Variants in NYAP2 observed in about 807,000 individuals in gnomAD.
NYAP2 encodes neuronal tyrosine-phosphorylated phosphoinositide-3-kinase adapter 2.
NYAP2 carries 23 observed loss-of-function variants against 50.4 expected under a neutral mutation model. That is an observed-to-expected ratio of 0.46 (90% confidence interval 0.33 to 0.65). The LOEUF (loss-of-function observed/expected upper bound fraction) is 0.65. NYAP2 is among the 30% of genes least tolerant of loss of function. The probability of loss-of-function intolerance (pLI) is 0.02; values close to 1 mark genes in which losing one functional copy is unlikely to be tolerated. For missense variants in NYAP2, 885 were observed against 861.0 expected, an observed-to-expected ratio of 1.03 and a Z score of -0.35; for synonymous variants, 394 against 365.2, an observed-to-expected ratio of 1.08 and a Z score of -0.90.
chr2:225,654,762 G>A (rs148790065), downstream of NYAP2, among the ~76,000 whole-genome samples: 2 of 152,312 alleles, frequency 1.3e-5, no homozygotes, highest in Non-Finnish European at 2.9e-5. Context: ...AGTGGTGCTT[G>A]TCTATGGAGG....
At chr2:225,454,274 T>C (rs1272499870) in intron 3 of NYAP2, among the ~76,000 whole-genome samples, 1 of 152,310 alleles carries the variant, frequency 6.6e-6, no homozygotes, top group East Asian at 1.9e-4. Context: ...GAGGCTGCAA[T>C]GAGCCATGAT....
At chr2:225,434,422 G>T (rs1440217747) in intron 3 of NYAP2, among the ~76,000 whole-genome samples, 3 of 152,306 alleles carry the variant, frequency 2.0e-5, no homozygotes, top group East Asian at 3.9e-4. Flanking sequence ...TTAGAGTTTA[G>T]AAGTTTGACA....
At chr2:225,693,563 A>G in the NYAP2 span, among the ~76,000 whole-genome samples, 1 of 152,048 alleles carries the variant, frequency 6.6e-6, no homozygotes, top group African/African-American at 2.4e-5. Context: ...ACCGTTCTGG[A>G]AACTGAGAAG....
chr2:225,671,699 G>A, the NYAP2 span, among the ~76,000 whole-genome samples: 1 of 152,034 alleles, frequency 6.6e-6, no homozygotes, highest in Non-Finnish European at 1.5e-5. Context: ...TTTATCAAAT[G>A]AATCACTATC....
intron 3 of NYAP2, among the ~76,000 whole-genome samples, chr2:225,473,594 G>T (rs1189346724): frequency 6.6e-6 from 1 of 152,188 alleles, no homozygotes; most frequent in Admixed American, 6.5e-5. Flanking sequence ...TCTGTTGCCT[G>T]CATAAATGTC....
intron 4 of NYAP2, among the ~76,000 whole-genome samples, chr2:225,569,631 C>T (rs969061943): frequency 1.3e-5 from 2 of 152,090 alleles, no homozygotes; most frequent in African/African-American, 4.8e-5. Flanking sequence ...GGCAGGAATT[C>T]TGCTAATGGT....
chr2:225,638,195 G>A (rs1389543827), intron 6 of NYAP2, among the ~76,000 whole-genome samples: 4 of 140,024 alleles, frequency 2.9e-5, no homozygotes, highest in African/African-American at 1.0e-4. Context: ...TGTGTGTGGT[G>A]TGGGAGGGGG....
intron 5 of NYAP2, among the ~76,000 whole-genome samples, chr2:225,593,430 T>G: frequency 6.6e-6 from 1 of 152,216 alleles, no homozygotes; most frequent in African/African-American, 2.4e-5. Flanking sequence ...GAGACTTTCC[T>G]TCTGATGTTG....
chr2:225,477,423 A>T (rs1377323006), intron 3 of NYAP2, among the ~76,000 whole-genome samples: 1 of 151,612 alleles, frequency 6.6e-6, no homozygotes, highest in Non-Finnish European at 1.5e-5. Flanking sequence ...TTTTTAGTAG[A>T]GATGGGGTTT....
intron 6 of NYAP2, among the ~76,000 whole-genome samples, chr2:225,642,058 A>G (rs1320877694): frequency 4.2e-5 from 6 of 144,428 alleles, no homozygotes; most frequent in African/African-American, 8.1e-5. Context: ...GAGAAAAGAG[A>G]CAGACATGGT....
chr2:225,460,661 G>T (rs1689813823), intron 3 of NYAP2, among the ~76,000 whole-genome samples: 1 of 152,148 alleles, frequency 6.6e-6, no homozygotes, highest in African/African-American at 2.4e-5. Flanking sequence ...GCCAGAGAGA[G>T]AAAGTGTTTG....
intron 3 of NYAP2, among the ~76,000 whole-genome samples, chr2:225,449,309 A>G (rs1689611620): frequency 6.6e-6 from 1 of 152,220 alleles, no homozygotes; most frequent in African/African-American, 2.4e-5. Context: ...CTAATGAAAC[A>G]ACACATATTC....
chr2:225,479,094 G>A (rs569300105), intron 3 of NYAP2, among the ~76,000 whole-genome samples: 2 of 152,230 alleles, frequency 1.3e-5, no homozygotes, highest in East Asian at 3.9e-4. Flanking sequence ...TGTGACTTGG[G>A]AACAGTCAAC....
chr2:225,658,032 C>A (rs1393978051), downstream of NYAP2, among the ~76,000 whole-genome samples: 1 of 152,116 alleles, frequency 6.6e-6, no homozygotes, highest in Admixed American at 6.5e-5. Context: ...CAGACCTGAA[C>A]TGAGAACATG....
intron 6 of NYAP2, among the ~76,000 whole-genome samples, chr2:225,642,133 G>C (rs1693544530): frequency 6.6e-6 from 1 of 152,108 alleles, no homozygotes; most frequent in African/African-American, 2.4e-5. Context: ...AAGTGTACCA[G>C]GCAGAGTGAA....
At chr2:225,430,606 C>A (rs186635014) in intron 3 of NYAP2, among the ~76,000 whole-genome samples, 1 of 152,136 alleles carries the variant, frequency 6.6e-6, no homozygotes. Context: ...GAATTAGTTA[C>A]TATTATTAAC....
At chr2:225,662,709 C>A in the NYAP2 span, among the ~76,000 whole-genome samples, 1 of 152,174 alleles carries the variant, frequency 6.6e-6, no homozygotes, top group Non-Finnish European at 1.5e-5. Flanking sequence ...TTTGAAGGAC[C>A]AAAAGGTGTC....
At chr2:225,560,594 A>G (rs1691854012) in intron 4 of NYAP2, among the ~76,000 whole-genome samples, 2 of 152,066 alleles carry the variant, frequency 1.3e-5, no homozygotes, top group South Asian at 4.1e-4. Flanking sequence ...GATCTTTCCT[A>G]TCAATAGTAT....
chr2:225,601,974 T>G (rs1414318102), intron 5 of NYAP2, among the ~76,000 whole-genome samples: 2 of 152,232 alleles, frequency 1.3e-5, no homozygotes, highest in Non-Finnish European at 2.9e-5. Flanking sequence ...TCTTGTTGTC[T>G]GAGTTATTGC....
Sources: gnomAD v4.1 joint callset for allele counts (sites outside exome capture counted in the v4.1 genomes callset) on GRCh38, gnomAD v4.1.1 for gene constraint, MANE v1.5 for transcripts, NCBI Gene and HGNC (gene_info 2026-07-23, HGNC 2026-07-21) for gene names.